RNF216: variants seen among roughly 807,000 people sequenced by gnomAD.
RNF216 encodes the protein E3 ubiquitin-protein ligase RNF216.
A neutral mutation model predicts 110.8 loss-of-function variants in RNF216; 72 were observed. That is an observed-to-expected ratio of 0.65 (90% CI 0.54 to 0.79). The LOEUF (loss-of-function observed/expected upper bound fraction) is 0.79. Ranked by LOEUF, RNF216 falls within the 30% of genes least tolerant of loss-of-function variation. RNF216 has a pLI of 0.00. For missense variants in RNF216, 1,342 were observed against 1,141.2 expected (o/e 1.18, Z -2.54); for synonymous variants, 495 against 407.5 (o/e 1.21, Z -2.59).
rs879784407 is a variant in RNF216 at position 5,677,101 on chromosome 7, C to T, written c.2062-24591G>A. On this transcript the variant is annotated intron_variant, in intron 13 of 16. Coordinates refer to ENST00000389902, the MANE Select transcript of RNF216 (RefSeq NM_207111.4). ...ATACATCTCCCTTGTTTTTAGGGCA[C>T]TCTGACGTATGGTTTACATAGTGTG... 2.5e-4 allele frequency among the ~76,000 whole-genome samples: 38 copies of T among 152,196 alleles called. 1 individual carries two copies. The highest frequency in any genetic ancestry group is 1.2e-4 in the Non-Finnish European group (8 of 68,026).
At chr7:5,716,838 T>C (rs1793095833) in intron 9 of RNF216, 72 bp from the exon 10 acceptor site, 2 of 1,184,844 alleles carry the variant, frequency 1.7e-6, no homozygotes, top group South Asian at 2.6e-5. Context: ...AGTATTTATT[T>C]CCATAAACAT....
At chr7:5,762,980 T>C (rs554900319) in intron 1 of RNF216, among the ~76,000 whole-genome samples, 23 of 152,262 alleles carry the variant, frequency 1.5e-4, no homozygotes, top group South Asian at 4.1e-4. Flanking sequence ...AGCCAAGACA[T>C]TACATCTCCA....
chr7:5,747,424 A>C (rs1795084761), intron 3 of RNF216, among the ~76,000 whole-genome samples: 1 of 152,236 alleles, frequency 6.6e-6, no homozygotes. Context: ...TCAGGACCTG[A>C]CAAGTACTAT....
At chr7:5,664,171 TG>T (rs1562803471) in intron 13 of RNF216, among the ~76,000 whole-genome samples, 1 of 152,084 alleles carries the variant, frequency 6.6e-6, no homozygotes, top group Non-Finnish European at 1.5e-5. Flanking sequence ...GTACTTTCCA[TG>T]GGCAAAAAAA....
chr7:5,762,565 A>C (rs1235208290), intron 1 of RNF216, among the ~76,000 whole-genome samples: 14 of 151,818 alleles, frequency 9.2e-5, no homozygotes, highest in Non-Finnish European at 1.5e-4. Context: ...GGTGACGGGC[A>C]CCTGATATCC....
chr7:5,758,954 C>A (rs974263962), intron 2 of RNF216, among the ~76,000 whole-genome samples: 4 of 152,128 alleles, frequency 2.6e-5, no homozygotes, highest in Non-Finnish European at 4.4e-5. Context: ...TGTGTCCCTG[C>A]CCAAATTTCA....
At chr7:5,633,465 C>T (rs2128560832) in intron 15 of RNF216, among the ~76,000 whole-genome samples, 1 of 152,162 alleles carries the variant, frequency 6.6e-6, no homozygotes, top group South Asian at 2.1e-4. Flanking sequence ...ATCCCAGCTA[C>T]TCAGGAGGGT....
chr7:5,633,135 T>C (rs28417882), intron 15 of RNF216, among the ~76,000 whole-genome samples: 27,269 of 151,704 alleles, frequency 0.18, 4,202 homozygotes, highest in African/African-American at 0.42. Flanking sequence ...GTCCGCCCCA[T>C]GCCCAGCTAA....
chr7:5,716,662 G>A (rs763263520), intron 10 of RNF216, 54 bp downstream of exon 10: 26 of 1,410,600 alleles, frequency 1.8e-5, no homozygotes, highest in Non-Finnish European at 2.5e-5. Flanking sequence ...AACATGGTAA[G>A]AGAAAACAGC....
intron 16 of RNF216, 86 bp from the exon 17 acceptor site, chr7:5,623,265 A>G: frequency 1.6e-6 from 2 of 1,265,772 alleles, no homozygotes; most frequent in South Asian, 1.5e-5. Context: ...CGACCTCTGG[A>G]CACGGGAGTG....
chr7:5,662,008 G>A (rs979615287), intron 13 of RNF216, among the ~76,000 whole-genome samples: 1 of 152,216 alleles, frequency 6.6e-6, no homozygotes, highest in Non-Finnish European at 1.5e-5. Flanking sequence ...GTGGCTATGA[G>A]ACAAGCTGAG....
intron 1 of RNF216, among the ~76,000 whole-genome samples, chr7:5,777,292 T>C (rs887139112): frequency 3.3e-5 from 5 of 152,186 alleles, no homozygotes; most frequent in Admixed American, 2.6e-4. Context: ...ACAAACAAAA[T>C]TATTCTATGA....
chr7:5,756,904 G>T (rs1795672631), intron 2 of RNF216, among the ~76,000 whole-genome samples: 1 of 152,130 alleles, frequency 6.6e-6, no homozygotes, highest in Non-Finnish European at 1.5e-5. Flanking sequence ...CCAAAGTGCT[G>T]GCATTACAAG....
chr7:5,754,548 GA>G (rs1023125197), intron 2 of RNF216, among the ~76,000 whole-genome samples: 68 of 152,176 alleles, frequency 4.5e-4, no homozygotes, highest in Middle Eastern at 3.4e-3. Context: ...GGATCATTCT[GA>G]AGAGATACTG....
rs763651978 is a variant in RNF216, at chr7:5,622,680, T to G, written c.*180A>C. 54 of 631,958 alleles carry G rather than the reference T, an allele frequency of 8.5e-5. No homozygotes were observed. The highest frequency in any genetic ancestry group is 1.4e-4 in the Non-Finnish European group (52 of 367,392). 39.1% of individuals were successfully genotyped at this position (631,958 alleles called of 1,614,324 possible). On this transcript the variant is annotated 3_prime_UTR_variant, in exon 17 of 17. Coordinates refer to ENST00000389902, the MANE Select transcript of RNF216 (RefSeq NM_207111.4). ...TCCACCATTTGGGACGTCTTTATTA[T>G]GGATCCGTCCACTCTTCCAGGAGCA...
rs1367347023 is a variant in RNF216, at chr7:5,766,073, T to C, written c.-69-4935A>G. On this transcript the variant is annotated intron_variant, in intron 1 of 16. Coordinates refer to ENST00000389902, the MANE Select transcript of RNF216 (RefSeq NM_207111.4). ...CCAAGGTGGGAGAATCACTTGACGC[T>C]AGGGGTTCAAGACCAGCCTGGGCAA... Among the ~76,000 whole-genome samples, 4 of 151,150 alleles carry C rather than the reference T, an allele frequency of 2.6e-5. No homozygotes were observed. The East Asian group carries it at 5.9e-4, about 22-fold the overall frequency.
chr7:5,751,913 C>G (rs902017601), intron 3 of RNF216, among the ~76,000 whole-genome samples: 16 of 148,078 alleles, frequency 1.1e-4, no homozygotes, highest in African/African-American at 3.2e-4. Context: ...AAGGGCCAGG[C>G]ATAGTGGCTC....
intron 13 of RNF216, among the ~76,000 whole-genome samples, chr7:5,663,717 A>G (rs1395276558): frequency 1.1e-4 from 16 of 149,650 alleles, no homozygotes; most frequent in Admixed American, 1.0e-3. Context: ...TGGCCAACAT[A>G]GTGAACCCTG....
intron 15 of RNF216, among the ~76,000 whole-genome samples, chr7:5,639,763 AT>A (rs749853413): frequency 0.022 from 2,897 of 134,660 alleles, 33 homozygotes; most frequent in Non-Finnish European, 0.032. Flanking sequence ...CCTAGCCTTA[AT>A]TTTTTTTTTT....
Sources: gnomAD v4.1 joint callset for allele counts (sites outside exome capture counted in the v4.1 genomes callset) on GRCh38, gnomAD v4.1.1 for gene constraint, MANE v1.5 for transcripts, NCBI Gene and HGNC (gene_info 2026-07-23, HGNC 2026-07-21) for gene names.